The following C1orf167 variants were observed in gnomAD, a reference collection of about 807,000 sequenced individuals.
C1orf167 encodes uncharacterized protein C1orf167.
A neutral mutation model predicts 176.5 loss-of-function variants in C1orf167; 153 were observed. The ratio of observed to expected loss-of-function variants is 0.87; its 90% CI spans 0.76 to 0.99. The LOEUF (loss-of-function observed/expected upper bound fraction) is 0.99, where lower values mean the gene tolerates loss of function less well. C1orf167 is among the 50% of genes least tolerant of loss of function. The probability of loss-of-function intolerance (pLI) is 0.00; values close to 1 mark genes in which losing one functional copy is unlikely to be tolerated. For synonymous variants in C1orf167, 594 were observed against 752.7 expected (o/e 0.79, Z 3.45); for missense variants, 1,490 against 1,817.7 (o/e 0.82, Z 3.28).
At position 11,774,884 on chromosome 1, in the gene C1orf167, C is replaced by A. The variant is rs114677247; in HGVS notation, c.1989-551C>A. 1.8e-3 allele frequency among the ~76,000 whole-genome samples: 269 copies of A among 152,226 alleles called. 1 individual carries two copies. The highest frequency in any genetic ancestry group is 6.2e-3 in the African/African-American group (257 of 41,522). The stretch of plus-strand genomic sequence containing the variant: ...AGGCCGAAAGTGGATGCAGGGAGGC[C>A]AGGTCAGAGGCTGCTGAGGCCACCA... On this transcript the variant is annotated intron_variant, in intron 8 of 20. Transcript: ENST00000688073.
chr1:11,763,202 G>A (rs558437814), intron 1 of C1orf167, among the ~76,000 whole-genome samples: 1 of 152,362 alleles, frequency 6.6e-6, no homozygotes, highest in East Asian at 1.9e-4. Context: ...CACTTTGGGA[G>A]GCCGAGGCGG....
At position 11,782,328 on chromosome 1, in the gene C1orf167, G is replaced by A. The variant is rs1242706991; in HGVS notation, c.3000G>A (p.Leu1000=). 2 of 1,254,966 alleles carry A rather than the reference G, an allele frequency of 1.6e-6. No individual in the cohort carries two copies. The highest frequency in any genetic ancestry group is 2.1e-6 in the Non-Finnish European group (2 of 965,056). The allele number at this position is 1,254,966 out of a possible 1,614,324, so 77.7% of individuals were successfully genotyped here. ...CTVTRPEQLL[L]QSYFQAWCEV... is the part of the protein sequence containing the mutation. Reference sequence around the variant, plus strand: ...TGACCCGGCCAGAGCAGCTGCTACTGCAGAGGTGGGTGGGCCTGGGGGTGG... The same window carrying A: ...TGACCCGGCCAGAGCAGCTGCTACTACAGAGGTGGGTGGGCCTGGGGGTGG... Residue 1000 remains leucine (L), a synonymous_variant, in exon 14 of 21, where the codon CTG becomes CTA. Transcript: ENST00000688073.
rs1385573518 is a variant in C1orf167, at chr1:11,772,115, C to T, written c.1844C>T (p.Ala615Val). 4 of 1,304,014 alleles carry T rather than the reference C, an allele frequency of 3.1e-6. No individual in the cohort carries two copies. The South Asian group carries it at 4.9e-5, about 16-fold the overall frequency. The allele number at this position is 1,304,014 out of a possible 1,614,324, so 80.8% of individuals were successfully genotyped here. Residue 615 changes from alanine (A) to valine (V), a missense_variant, in exon 8 of 21, where the codon GCC (alanine) becomes GTC (valine). Ala to Val is a moderately conservative substitution (Grantham distance 64). Transcript: ENST00000688073. ...CTGTGGTGCCAACAGAAGAAACGGGCCAGACAGGAGAGGGAGACTCTGCGG... is the reference window on the plus strand; with the variant it reads ...CTGTGGTGCCAACAGAAGAAACGGGTCAGACAGGAGAGGGAGACTCTGCGG... ...FFLWCQQKKR[A>V]RQERETLRKA...
chr1:11,772,566 C>A (rs77157935), intron 8 of C1orf167, among the ~76,000 whole-genome samples: 1 of 152,188 alleles, frequency 6.6e-6, no homozygotes, highest in Non-Finnish European at 1.5e-5. Flanking sequence ...CATGCCTGGC[C>A]CCCACTTCCC....
At position 11,787,475 on chromosome 1, in the gene C1orf167, G is replaced by GGAA. The variant is rs1362829132; in HGVS notation, c.3656_3658dup (p.Gly1219_Thr1220insArg). On this transcript the variant is annotated inframe_insertion, in exon 17 of 21. Transcript: ENST00000688073. ...CCTGGGTGGACGGAGGAAGCCAAGGGGAACGGCCTGGGCTCAGAGTAAGGA... is the reference window on the plus strand; with the variant it reads ...CCTGGGTGGACGGAGGAAGCCAAGGGGAAGAACGGCCTGGGCTCAGAGTAAGGA... 1 of 1,302,966 alleles carries GGAA rather than the reference G, an allele frequency of 7.7e-7. No individual in the cohort carries two copies. Among genetic ancestry groups the GGAA allele is most frequent in the African/African-American group, 1.5e-5 (1 of 65,854 alleles). 80.7% of individuals were successfully genotyped at this position (1,302,966 alleles called of 1,614,324 possible). A position where few individuals can be genotyped will look rare whatever the true frequency, so the allele number is the denominator to read the frequency against.
rs1473983280 is a variant in C1orf167 at position 11,788,762 on chromosome 1, G to GGT, written c.4173+17_4173+18dup. 7.7e-7 allele frequency: 1 copy of GGT among 1,303,220 alleles called. No homozygotes were observed. Among genetic ancestry groups the GGT allele is most frequent in the South Asian group, 1.2e-5 (1 of 81,018 alleles). The allele number at this position is 1,303,220 out of a possible 1,614,324, so 80.7% of individuals were successfully genotyped here. The stretch of plus-strand genomic sequence containing the variant: ...AGGAAGATGGGTGGGTCCTTTCCCA[G>GGT]GTACTGCCCTCTTCCCTGCATTCCA... On this transcript the variant is annotated intron_variant, in intron 20 of 20. Transcript: ENST00000688073.
chr1:11,785,031 T>A, intron 15 of C1orf167, 117 bp from the exon 16 acceptor site: 1 of 934,878 alleles, frequency 1.1e-6, no homozygotes. Context: ...GGGAGGTGGG[T>A]GGGCCCCAGC....
At chr1:11,783,129 C>G (rs1643671425) in intron 14 of C1orf167, among the ~76,000 whole-genome samples, 1 of 152,142 alleles carries the variant, frequency 6.6e-6, no homozygotes, top group Non-Finnish European at 1.5e-5. Flanking sequence ...AGAATGGCTC[C>G]TCCCACAGTT....
At position 11,766,419 on chromosome 1, in the gene C1orf167, G is replaced by A. The variant is rs1245669864; in HGVS notation, c.633G>A (p.Leu211=). The A allele has an allele frequency of 4.7e-6, 6 of 1,281,646 alleles. No homozygotes were observed. Among genetic ancestry groups the A allele is most frequent in the Non-Finnish European group, 5.1e-6 (5 of 984,872 alleles). 79.4% of individuals were successfully genotyped at this position (1,281,646 alleles called of 1,614,324 possible). Reference sequence around the variant, plus strand: ...GTCTGGGGAGCTGGAGGTCCAGGCTGGTGGGGGAACCTCTCACCCTGGAGG... The same window carrying A: ...GTCTGGGGAGCTGGAGGTCCAGGCTAGTGGGGGAACCTCTCACCCTGGAGG... ...WGGLGSWRSR[L]VGEPLTLEDL... Residue 211 remains leucine, a synonymous_variant, in exon 3 of 21, where the codon CTG becomes CTA. Coordinates refer to ENST00000688073, the MANE Select transcript of C1orf167 (RefSeq NM_001010881.2). The surrounding 1 kb of genome is among the most constrained non-coding windows in gnomAD (Gnocchi z 4.5).
intron 13 of C1orf167, among the ~76,000 whole-genome samples, chr1:11,780,366 T>C (rs1169955228): frequency 2.6e-5 from 4 of 152,072 alleles, no homozygotes; most frequent in African/African-American, 9.7e-5. Context: ...AGCTGTGAAA[T>C]TTCCAAGAGG....
intron 10 of C1orf167, 34 bp from the exon 11 acceptor site, chr1:11,778,626 G>A (rs1050901193): frequency 5.2e-5 from 66 of 1,271,550 alleles, no homozygotes; most frequent in Non-Finnish European, 6.1e-5. Context: ...CTGAGGGTGA[G>A]GCTGGGTGGG....
In C1orf167 at chr1:11,768,185, G is replaced by C; in HGVS notation, c.1452G>C (p.Lys484Asn). ...TGGGCCGCTGGCAGCTGTTGCGAAA[G>C]TGCCTTCAGGCCTTGTGGCTCCGGG... ...VALGRWQLLRKCLQALWLREA... is the reference protein window; with the variant it reads ...VALGRWQLLRNCLQALWLREA... Residue 484 changes from lysine to asparagine, a missense_variant, in exon 5 of 21, where the codon AAG (lysine) becomes AAC (asparagine). By Grantham distance (94) the Lys-to-Asn change is moderately conservative (BLOSUM62 0). Transcript: ENST00000688073. The surrounding 1 kb of genome is among the most constrained non-coding windows in gnomAD (Gnocchi z 4.5). 7.8e-7 allele frequency: 1 copy of C among 1,289,754 alleles called. No individual in the cohort carries two copies. The highest frequency in any genetic ancestry group is 1.5e-5 in the African/African-American group (1 of 66,010). The allele number at this position is 1,289,754 out of a possible 1,614,324, so 79.9% of individuals were successfully genotyped here. A position where few individuals can be genotyped will look rare whatever the true frequency, so the allele number is the denominator to read the frequency against.
intron 7 of C1orf167, 66 bp downstream of exon 7, chr1:11,771,702 C>T: frequency 9.4e-7 from 1 of 1,068,336 alleles, no homozygotes; most frequent in Non-Finnish European, 1.3e-6. Context: ...GAGCTCCACA[C>T]TGGGCAGGGG....
chr1:11,765,608 C>A (rs1005082096), intron 2 of C1orf167, among the ~76,000 whole-genome samples: 6 of 152,088 alleles, frequency 3.9e-5, no homozygotes, highest in Non-Finnish European at 8.8e-5. Context: ...TCTCCTGGGA[C>A]CCCCTCAACA....
intron 14 of C1orf167, 22 bp from the exon 15 acceptor site, chr1:11,784,152 G>A (rs1349196724): frequency 1.6e-6 from 2 of 1,215,922 alleles, no homozygotes; most frequent in African/African-American, 1.6e-5. Context: ...ACCACACCTG[G>A]CCCAATGTGT....
At chr1:11,778,501 G>T (rs1337346309) in intron 10 of C1orf167, 159 bp from the exon 11 acceptor site, 1 of 524,152 alleles carries the variant, frequency 1.9e-6, no homozygotes, top group Non-Finnish European at 2.9e-6. Context: ...GCCGCTGTGG[G>T]GGGCAGCAGC....
At chr1:11,763,961 G>T (rs912876700) in intron 1 of C1orf167, among the ~76,000 whole-genome samples, 1 of 152,218 alleles carries the variant, frequency 6.6e-6, no homozygotes, top group Admixed American at 6.5e-5. Context: ...GGGGCACCAA[G>T]ATGGGAGAGA....
chr1:11,772,421 C>T lies in C1orf167; in HGVS notation c.1988+162C>T, dbSNP rs776218345. 5.4e-5 allele frequency among the ~76,000 whole-genome samples: 6 copies of T among 111,024 alleles called. No homozygotes were observed. In the South Asian group the frequency reaches 1.2e-3, roughly 23 times the overall value. The allele number at this position is 111,024 out of a possible 152,430, so 72.8% of individuals were successfully genotyped here. On this transcript the variant is annotated intron_variant, in intron 8 of 20. Transcript: ENST00000688073. Reference sequence around the variant, plus strand: ...CTGGGACCATAAGCATGTGCCACCACGCACAGCTAATTTTTTTGTATTTTT... The same window carrying T: ...CTGGGACCATAAGCATGTGCCACCATGCACAGCTAATTTTTTTGTATTTTT...
At position 11,782,186 on chromosome 1, in the gene C1orf167, C is replaced by T. The variant is rs541972168; in HGVS notation, c.2861-3C>T. ...TGGCTCTTCAGCATCTCTCTGGCCC[C>T]AGGGCAGCAGTTCCTGCATGAAAAG... On this transcript the variant is annotated splice_region_variant and splice_polypyrimidine_tract_variant and intron_variant, in intron 13 of 20. Transcript: ENST00000688073. The T allele has an allele frequency of 3.9e-6, 5 of 1,274,044 alleles. No individual in the cohort carries two copies. In the African/African-American group the frequency reaches 4.6e-5, roughly 12 times the overall value. The allele number at this position is 1,274,044 out of a possible 1,614,324, so 78.9% of individuals were successfully genotyped here. A position where few individuals can be genotyped will look rare whatever the true frequency, so the allele number is the denominator to read the frequency against.
Sources: allele counts gnomAD v4.1 joint callset (sites outside exome capture counted in the v4.1 genomes callset), GRCh38; gene constraint gnomAD v4.1.1; non-coding constraint Gnocchi (gnomAD v3.1); transcripts MANE v1.5; gene names NCBI Gene and HGNC (gene_info 2026-07-23, HGNC 2026-07-21).